CCDC178: variants seen among roughly 807,000 people sequenced by gnomAD.
CCDC178 encodes the protein coiled-coil domain containing 178, also known as coiled-coil domain-containing protein 178.
In CCDC178, 126 loss-of-function variants were observed where a neutral mutation model predicts 117.4. The observed-to-expected ratio is 1.07, with a 90% CI of 0.93 to 1.24. The LOEUF is 1.24. Among genes scored for constraint, CCDC178 ranks in the 50% most tolerant of loss-of-function variants. CCDC178 has a pLI of 0.00. For missense variants in CCDC178, 1,030 were observed against 986.9 expected, an observed-to-expected ratio of 1.04 and a Z score of -0.59; for synonymous variants, 283 against 313.4, an observed-to-expected ratio of 0.90 and a Z score of 1.02.
At chr18:33,394,941 G>GTGTGTGTA (rs2063611648) in intron 4 of CCDC178, among the ~76,000 whole-genome samples, 1 of 68,772 alleles carries the variant, frequency 1.5e-5, no homozygotes, top group African/African-American at 5.8e-5. Context: ...GTATATGTAT[G>GTGTGTGTA]TGTATATATA....
chr18:33,090,300 T>TA (rs2057444410), intron 21 of CCDC178, among the ~76,000 whole-genome samples: 1 of 152,122 alleles, frequency 6.6e-6, no homozygotes, highest in South Asian at 2.1e-4. Flanking sequence ...GCACAATAAT[T>TA]AAAATATAAT....
Position 33,245,404 on chromosome 18 carries a change from T to C in CCDC178, c.1434A>G (p.Glu478=). 1 of 1,570,674 alleles carries C rather than the reference T, an allele frequency of 6.4e-7. No homozygotes were observed. Among genetic ancestry groups the C allele is most frequent in the Non-Finnish European group, 8.6e-7 (1 of 1,159,798 alleles). ...NESIRKKSKY[E]SEIKYLTIMK... is the part of the protein sequence containing the mutation. ...TTATTGTCAAATATTTTATTTCAGATTCGTATTTTGATTTTTTCCGTATGC... is the reference window on the plus strand; with the variant it reads ...TTATTGTCAAATATTTTATTTCAGACTCGTATTTTGATTTTTTCCGTATGC... The change falls in exon 15 of 23, where the codon GAA becomes GAG. Residue 478 remains glutamate, a synonymous_variant. Transcript: ENST00000383096.
chr18:32,976,942 A>G (rs1350909010), intron 21 of CCDC178, among the ~76,000 whole-genome samples: 1 of 152,174 alleles, frequency 6.6e-6, no homozygotes, highest in Non-Finnish European at 1.5e-5. Flanking sequence ...AATCTTATAG[A>G]TAAATACAAT....
intron 20 of CCDC178, among the ~76,000 whole-genome samples, chr18:33,122,351 A>G (rs2057947915): frequency 6.6e-6 from 1 of 152,128 alleles, no homozygotes; most frequent in African/African-American, 2.4e-5. Flanking sequence ...TTGGCATATC[A>G]GATCAGAAAT....
intron 20 of CCDC178, among the ~76,000 whole-genome samples, chr18:33,105,471 T>C (rs572062257): frequency 6.6e-6 from 1 of 151,628 alleles, no homozygotes; most frequent in South Asian, 2.1e-4. Flanking sequence ...AGAGGTACAT[T>C]TATGAAGAAA....
chr18:33,020,699 C>T (rs1160360012), intron 21 of CCDC178, among the ~76,000 whole-genome samples: 2 of 152,114 alleles, frequency 1.3e-5, no homozygotes, highest in African/African-American at 4.8e-5. Flanking sequence ...GGTTATAGCA[C>T]TTTTGCAGTA....
chr18:33,119,017 C>T (rs1180309050), intron 20 of CCDC178, among the ~76,000 whole-genome samples: 1 of 152,128 alleles, frequency 6.6e-6, no homozygotes, highest in Non-Finnish European at 1.5e-5. Context: ...CCCTTCCTTA[C>T]ACCTTATACA....
intron 10 of CCDC178, among the ~76,000 whole-genome samples, chr18:33,324,839 G>A (rs996551846): frequency 2.0e-5 from 3 of 151,606 alleles, no homozygotes; most frequent in African/African-American, 4.8e-5. Context: ...TTAATGACTT[G>A]GTAGTAAAGG....
chr18:33,244,604 T>C (rs2059524985), intron 15 of CCDC178, among the ~76,000 whole-genome samples: 1 of 151,846 alleles, frequency 6.6e-6, no homozygotes, highest in African/African-American at 2.4e-5. Flanking sequence ...AATTGTAAGT[T>C]TACTGAGGCC....
At chr18:33,162,417 TTA>T (rs1335258915) in intron 20 of CCDC178, among the ~76,000 whole-genome samples, 1 of 152,198 alleles carries the variant, frequency 6.6e-6, no homozygotes, top group African/African-American at 2.4e-5. Flanking sequence ...CAACATAATT[TTA>T]TGTTTTTATT....
chr18:33,285,839 C>T (rs2060092388), intron 12 of CCDC178, among the ~76,000 whole-genome samples: 1 of 151,986 alleles, frequency 6.6e-6, no homozygotes, highest in South Asian at 2.1e-4. Flanking sequence ...ATTTAGATAA[C>T]ATTAAGCACT....
intron 20 of CCDC178, among the ~76,000 whole-genome samples, chr18:33,129,569 C>T (rs1172943660): frequency 6.6e-6 from 1 of 151,734 alleles, no homozygotes; most frequent in African/African-American, 2.4e-5. Context: ...AATGTGGAAC[C>T]CCAACAGGAT....
chr18:33,270,023 T>C (rs2059868045), intron 12 of CCDC178, among the ~76,000 whole-genome samples: 1 of 151,666 alleles, frequency 6.6e-6, no homozygotes. Flanking sequence ...AAACTATTAA[T>C]AAAGTGATAT....
chr18:33,001,949 G>A (rs2055643985), intron 21 of CCDC178, among the ~76,000 whole-genome samples: 1 of 152,154 alleles, frequency 6.6e-6, no homozygotes. Context: ...TCATTATATA[G>A]TGATAAACAG....
chr18:33,086,921 A>G (rs1370790907), intron 21 of CCDC178, among the ~76,000 whole-genome samples: 7 of 151,016 alleles, frequency 4.6e-5, no homozygotes, highest in Non-Finnish European at 1.0e-4. Context: ...GTCTCCGGAC[A>G]CTGCAGGATA....
chr18:33,022,403 TATA>T (rs2056140678), intron 21 of CCDC178, among the ~76,000 whole-genome samples: 2 of 152,346 alleles, frequency 1.3e-5, no homozygotes, highest in East Asian at 1.9e-4. Context: ...AAGCAAAAAT[TATA>T]ATGTCTGATG....
intron 21 of CCDC178, among the ~76,000 whole-genome samples, chr18:32,977,108 T>G (rs554835201): frequency 2.6e-5 from 4 of 152,296 alleles, no homozygotes; most frequent in African/African-American, 9.6e-5. Context: ...ATAGGTTGAT[T>G]GTATTCACAG....
chr18:33,258,533 T>C (rs1201249338), intron 14 of CCDC178, among the ~76,000 whole-genome samples: 1 of 152,152 alleles, frequency 6.6e-6, no homozygotes, highest in African/African-American at 2.4e-5. Context: ...TTCAGTTTTA[T>C]TGTCCCCACA....
At chr18:33,278,765 A>G (rs900392482) in intron 12 of CCDC178, among the ~76,000 whole-genome samples, 1 of 152,134 alleles carries the variant, frequency 6.6e-6, no homozygotes, top group African/African-American at 2.4e-5. Context: ...GAACGATAAT[A>G]TATATAAAAT....
Sources: allele counts gnomAD v4.1 joint callset (sites outside exome capture counted in the v4.1 genomes callset), GRCh38; gene constraint gnomAD v4.1.1; transcripts MANE v1.5; gene names NCBI Gene and HGNC (gene_info 2026-07-23, HGNC 2026-07-21).